ANO2: variants seen among roughly 807,000 people sequenced by gnomAD.
The protein encoded by ANO2 is anoctamin-2.
A neutral mutation model predicts 124.2 loss-of-function variants in ANO2; 101 were observed. The observed-to-expected ratio is 0.81, with a 90% confidence interval of 0.69 to 0.96. The LOEUF is 0.96. ANO2 is among the 40% of genes least tolerant of loss of function. The pLI, the probability that ANO2 is intolerant of heterozygous loss-of-function variation, is 0.00. For missense variants in ANO2, 1,293 were observed against 1,274.5 expected (o/e 1.01, Z -0.22); for synonymous variants, 486 against 482.5 (o/e 1.01, Z -0.09).
rs1459662792 is a variant in ANO2 at position 5,900,170 on chromosome 12, C to A, written c.534+20870G>T. Among the ~76,000 whole-genome samples the A allele has an allele frequency of 6.6e-6, 1 of 152,126 alleles. No individual in the cohort carries two copies. Among genetic ancestry groups the A allele is most frequent in the South Asian group, 2.1e-4 (1 of 4,828 alleles). On this transcript the variant is annotated intron_variant, in intron 3 of 24. Transcript: ENST00000682330. The surrounding 1 kb of genome is among the most constrained non-coding windows in gnomAD (Gnocchi z 4.2). ...GTATCCAACTCAACCCACATCACAG[C>A]CCTGGATTTCAATGTAATCACGGAC...
At chr12:5,587,820 C>A (rs999606697) in intron 20 of ANO2, among the ~76,000 whole-genome samples, 1 of 152,176 alleles carries the variant, frequency 6.6e-6, no homozygotes, top group Non-Finnish European at 1.5e-5. Flanking sequence ...CTCCCCACCC[C>A]CATGCACCTC....
chr12:5,936,296 T>C (rs767681167), intron 1 of ANO2, among the ~76,000 whole-genome samples: 2 of 152,344 alleles, frequency 1.3e-5, no homozygotes, highest in Non-Finnish European at 1.5e-5. Context: ...TTTTATCTGA[T>C]GTGTCACGGT....
chr12:5,651,673 T>A lies in ANO2; in HGVS notation c.1546-3872A>T, dbSNP rs1946921261. 3.3e-5 allele frequency among the ~76,000 whole-genome samples: 5 copies of A among 152,326 alleles called. No individual in the cohort carries two copies. The South Asian group carries it at 1.0e-3, about 32-fold the overall frequency. On this transcript the variant is annotated intron_variant, in intron 14 of 24. Coordinates refer to ENST00000682330, the MANE Select transcript of ANO2 (RefSeq NM_001364791.2). ...GTAAGTTTTGATAAATATATAGTCA[T>A]ATAACCACGACCACAATCAAGACAT...
At chr12:5,645,414 C>CGTGTGTGTGTGAATGTGTGT (rs1946587071) in intron 15 of ANO2, among the ~76,000 whole-genome samples, 1 of 151,012 alleles carries the variant, frequency 6.6e-6, no homozygotes, top group African/African-American at 2.4e-5. Flanking sequence ...TATCCATGGT[C>CGTGTGTGTGTGAATGTGTGT]GTGTGTGTGT....
chr12:5,629,662 T>C (rs1297869157), intron 16 of ANO2, among the ~76,000 whole-genome samples: 1 of 152,172 alleles, frequency 6.6e-6, no homozygotes, highest in African/African-American at 2.4e-5. Context: ...CTGGAGTGAA[T>C]GGATCACTGG....
intron 16 of ANO2, 36 bp from the exon 17 acceptor site, chr12:5,615,333 G>C: frequency 6.5e-7 from 1 of 1,528,292 alleles, no homozygotes; most frequent in South Asian, 1.2e-5. Flanking sequence ...AGATTGGGGT[G>C]AGATTTCTCA....
At chr12:5,722,610 A>C (rs755072583) in intron 14 of ANO2, among the ~76,000 whole-genome samples, 3 of 152,212 alleles carry the variant, frequency 2.0e-5, no homozygotes, top group African/African-American at 7.2e-5. Context: ...GGGCTTCCCT[A>C]AGAAATGTTT....
chr12:5,938,510 A>G (rs926958059), intron 1 of ANO2, among the ~76,000 whole-genome samples: 3 of 152,160 alleles, frequency 2.0e-5, no homozygotes, highest in Admixed American at 6.5e-5. Flanking sequence ...CACCCAGTCT[A>G]TTTTATTTAC....
At chr12:5,615,745 C>A (rs1344827865) in intron 16 of ANO2, among the ~76,000 whole-genome samples, 1 of 152,142 alleles carries the variant, frequency 6.6e-6, no homozygotes, top group Non-Finnish European at 1.5e-5. Context: ...GGTACCATGA[C>A]TTGATTCCTC....
At chr12:5,854,196 C>A in intron 3 of ANO2, 55 bp from the exon 4 acceptor site, 1 of 1,506,466 alleles carries the variant, frequency 6.6e-7, no homozygotes, top group Non-Finnish European at 9.2e-7. Flanking sequence ...ATAGCTTAAA[C>A]TCCTGGTTCT....
At chr12:5,587,114 T>A (rs2136861190) in intron 20 of ANO2, among the ~76,000 whole-genome samples, 1 of 152,256 alleles carries the variant, frequency 6.6e-6, no homozygotes. Context: ...CACTACAGGA[T>A]CACTTCTTTC....
At chr12:5,686,677 G>A (rs1420022890) in intron 14 of ANO2, among the ~76,000 whole-genome samples, 1 of 152,188 alleles carries the variant, frequency 6.6e-6, no homozygotes, top group Non-Finnish European at 1.5e-5. Context: ...CTGGGAAGCG[G>A]GCATGTGGCA....
intron 12 of ANO2, chr12:5,741,121 C>G (rs1398209941): frequency 6.6e-6 from 1 of 152,356 alleles, no homozygotes; most frequent in African/African-American, 2.4e-5. Context: ...CTAGCAGGAG[C>G]CTGAGCACAC....
intron 1 of ANO2, among the ~76,000 whole-genome samples, chr12:5,931,292 TC>T (rs1224885027): frequency 6.6e-6 from 1 of 152,008 alleles, no homozygotes; most frequent in Non-Finnish European, 1.5e-5. Context: ...CATGCCAGGC[TC>T]CAAGCACAGC....
In ANO2 at chr12:5,636,605, T is replaced by TAC. The variant is rs61059041; in HGVS notation, c.1621-1260_1621-1259dup. ...CCTGAAAAAATAAGCTGTGCTGGAC[T>TAC]ACACACACACACACACACACACACA... On this transcript the variant is annotated intron_variant, in intron 15 of 24. Coordinates refer to ENST00000682330, the MANE Select transcript of ANO2 (RefSeq NM_001364791.2). This position sits in a 1 kb window ranked among gnomAD's most constrained non-coding sequence, Gnocchi z 4.6. 0.18 allele frequency among the ~76,000 whole-genome samples: 21,609 copies of TAC among 118,340 alleles called. 1,888 individuals carry two copies. The highest frequency in any genetic ancestry group is 0.22 in the Admixed American group (2,508 of 11,312). The allele number at this position is 118,340 out of a possible 152,430, so 77.6% of individuals were successfully genotyped here.
At chr12:5,568,331 C>T (rs903933115) in intron 23 of ANO2, among the ~76,000 whole-genome samples, 2 of 151,868 alleles carry the variant, frequency 1.3e-5, no homozygotes, top group Non-Finnish European at 2.9e-5. Flanking sequence ...TTAGTAGAGA[C>T]GTGGTTTCAC....
intron 14 of ANO2, among the ~76,000 whole-genome samples, chr12:5,700,456 T>C (rs1949357647): frequency 6.6e-6 from 1 of 152,090 alleles, no homozygotes; most frequent in Non-Finnish European, 1.5e-5. Flanking sequence ...TAAAGGGAAA[T>C]TTATAGCACT....
At chr12:5,812,548 G>C (rs1184907348) in intron 7 of ANO2, among the ~76,000 whole-genome samples, 7 of 53,148 alleles carry the variant, frequency 1.3e-4, no homozygotes, top group South Asian at 7.8e-4. Flanking sequence ...GCAGGCAAGC[G>C]AAGAAAGAAA....
chr12:5,782,759 T>C (rs1952437864), intron 10 of ANO2, among the ~76,000 whole-genome samples: 2 of 152,202 alleles, frequency 1.3e-5, no homozygotes, highest in Non-Finnish European at 2.9e-5. Context: ...ATTGTGGAAA[T>C]GTAAGCCACT....
Sources: allele counts gnomAD v4.1 joint callset (sites outside exome capture counted in the v4.1 genomes callset), GRCh38; gene constraint gnomAD v4.1.1; non-coding constraint Gnocchi (gnomAD v3.1); transcripts MANE v1.5; gene names NCBI Gene and HGNC (gene_info 2026-07-23, HGNC 2026-07-21).